Variants in DPM1 observed in about 807,000 individuals in gnomAD.
DPM1 encodes dolichol-phosphate mannosyltransferase subunit 1.
A neutral mutation model predicts 39.0 loss-of-function variants in DPM1; 27 were observed. The observed-to-expected ratio is 0.69, with a 90% CI of 0.51 to 0.95. The LOEUF (loss-of-function observed/expected upper bound fraction) is 0.95, where lower values mean the gene tolerates loss of function less well. DPM1 is among the 40% of genes least tolerant of loss of function. The pLI is 0.00. For missense variants in DPM1, 307 were observed against 315.6 expected (o/e 0.97, Z 0.21); for synonymous variants, 124 against 109.0 (o/e 1.14, Z -0.86).
chr20:50,945,880 G>A lies in DPM1; in HGVS notation c.339C>T (p.Tyr113=), dbSNP rs749555898. ...IHGMKHATGN[Y]IIIMDADLSH... ...AGAGATCAGCATCCATAATAATGATGTAGTTTCCTGTGGCATGTTTCATTC... is the reference window on the plus strand; with the variant it reads ...AGAGATCAGCATCCATAATAATGATATAGTTTCCTGTGGCATGTTTCATTC... The change falls in exon 4 of 9, where the codon TAC becomes TAT. Residue 113 remains tyrosine, a synonymous_variant. Coordinates refer to ENST00000371588, the MANE Select transcript of DPM1 (RefSeq NM_003859.3). 1.9e-6 allele frequency: 3 copies of A among 1,613,596 alleles called. No individual in the cohort carries two copies. The highest frequency in any genetic ancestry group is 1.1e-5 in the South Asian group (1 of 91,076).
chr20:50,934,994 T>G lies in DPM1; in HGVS notation c.*138A>C. 1.7e-6 allele frequency: 1 copy of G among 595,588 alleles called. No individual in the cohort carries two copies. Among genetic ancestry groups the G allele is most frequent in the Non-Finnish European group, 3.0e-6 (1 of 331,604 alleles). The allele number at this position is 595,588 out of a possible 1,614,324, so 36.9% of individuals were successfully genotyped here. On this transcript the variant is annotated 3_prime_UTR_variant, in exon 9 of 9. Transcript: ENST00000371588. ...TATTTAATTTGAAATATAAAATAGG[T>G]GGTCTTCATAAAAAGATGCATGAAA...
At chr20:50,938,543 C>T (rs996252649) in intron 7 of DPM1, among the ~76,000 whole-genome samples, 4 of 151,408 alleles carry the variant, frequency 2.6e-5, no homozygotes, top group Admixed American at 6.6e-5. Context: ...CCACCACGCC[C>T]GGCTAATTTT....
At chr20:50,938,795 C>T (rs1254344467) in intron 7 of DPM1, among the ~76,000 whole-genome samples, 1 of 151,194 alleles carries the variant, frequency 6.6e-6, no homozygotes. Context: ...GCCTGACCAA[C>T]GTGGAGAAAC....
chr20:50,951,422 A>G (rs1413811988), intron 2 of DPM1, among the ~76,000 whole-genome samples: 1 of 152,224 alleles, frequency 6.6e-6, no homozygotes, highest in African/African-American at 2.4e-5. Context: ...ACATACACAC[A>G]TATATGCACA....
intron 1 of DPM1, among the ~76,000 whole-genome samples, 176 bp downstream of exon 1, chr20:50,958,187 A>G (rs1193318358): frequency 1.3e-5 from 2 of 152,238 alleles, no homozygotes; most frequent in Admixed American, 6.5e-5. Context: ...CCAGGACACG[A>G]AGAAAACCCA....
chr20:50,938,601 C>T (rs1255836638), intron 7 of DPM1, among the ~76,000 whole-genome samples: 4 of 151,070 alleles, frequency 2.6e-5, no homozygotes, highest in Non-Finnish European at 5.9e-5. Context: ...AGGATGGTCT[C>T]GATCTCCTGA....
At chr20:50,941,282 T>A (rs1985756668) in intron 6 of DPM1, 1 of 151,072 alleles carries the variant, frequency 6.6e-6, no homozygotes. Flanking sequence ...TACATTCATA[T>A]AATATATATA....
intron 6 of DPM1, chr20:50,941,263 T>TATATATATATAA (rs1491148504): frequency 6.4e-6 from 1 of 156,022 alleles, no homozygotes; most frequent in Non-Finnish European, 1.2e-5. Flanking sequence ...TATATATATA[T>TATATATATATAA]AAATAAAATA....
intron 8 of DPM1, 119 bp from the exon 9 acceptor site, chr20:50,935,355 T>TA (rs1456024880): frequency 1.4e-6 from 1 of 698,894 alleles, no homozygotes; most frequent in Non-Finnish European, 2.6e-6. Context: ...GTCCTTAAAG[T>TA]AAGTATAAAA....
At chr20:50,941,222 A>C (rs1985707960) in intron 6 of DPM1, 1 of 198,462 alleles carries the variant, frequency 5.0e-6, no homozygotes, top group Non-Finnish European at 8.7e-6. Flanking sequence ...ACAAAAAAAA[A>C]AGTGAATATA....
chr20:50,941,293 C>T (rs1985759571), intron 6 of DPM1: 1 of 140,384 alleles, frequency 7.1e-6, no homozygotes, highest in Admixed American at 7.8e-5. Flanking sequence ...AATATATATA[C>T]ACATTCATAT....
chr20:50,943,472 G>A (rs1480411720), intron 5 of DPM1, among the ~76,000 whole-genome samples: 1 of 150,636 alleles, frequency 6.6e-6, no homozygotes, highest in Admixed American at 6.6e-5. Context: ...TGATTCTCCT[G>A]CCTCAGCCTC....
At chr20:50,950,094 T>A (rs1184418264) in intron 2 of DPM1, among the ~76,000 whole-genome samples, 2 of 152,226 alleles carry the variant, frequency 1.3e-5, no homozygotes, top group African/African-American at 4.8e-5. Context: ...ATGCTTTGAT[T>A]CCTTACTTTT....
intron 1 of DPM1, among the ~76,000 whole-genome samples, 193 bp from the exon 2 acceptor site, chr20:50,955,478 A>G (rs1336516611): frequency 6.6e-6 from 1 of 152,248 alleles, no homozygotes; most frequent in Admixed American, 6.5e-5. Flanking sequence ...TATGTTGCTG[A>G]AACATGCTAA....
intron 3 of DPM1, among the ~76,000 whole-genome samples, chr20:50,946,180 G>C (rs749459123): frequency 1.3e-5 from 2 of 152,168 alleles, no homozygotes; most frequent in Non-Finnish European, 2.9e-5. Context: ...GTATAGCAAA[G>C]AAATAGTTTA....
At position 50,936,247 on chromosome 20, in the gene DPM1, T is replaced by A; in HGVS notation, c.579A>T (p.Glu193Asp). ...LTGSFRLYRKEVLEKLIEKCV... is the reference protein window; with the variant it reads ...LTGSFRLYRKDVLEKLIEKCV... The stretch of plus-strand genomic sequence containing the variant: ...ATTTTTCTATTAATTTCTCTAGAAC[T>A]TCTTTTCGGTATAATCTGTAAGAAA... Residue 193 changes from glutamate (E) to aspartate (D), a missense_variant, in exon 8 of 9, where the codon GAA becomes GAT. Physicochemically the swap from Glu to Asp is conservative, Grantham distance 45 (BLOSUM62 2). Coordinates refer to ENST00000371588, the MANE Select transcript of DPM1 (RefSeq NM_003859.3). 6.2e-7 allele frequency: 1 copy of A among 1,601,956 alleles called. No homozygotes were observed. Among genetic ancestry groups the A allele is most frequent in the Non-Finnish European group, 8.6e-7 (1 of 1,169,526 alleles).
chr20:50,944,067 A>G (rs540298022), intron 5 of DPM1, among the ~76,000 whole-genome samples: 10 of 152,284 alleles, frequency 6.6e-5, no homozygotes, highest in African/African-American at 2.2e-4. Flanking sequence ...ATTCTAACAC[A>G]TATTTTCCCA....
At chr20:50,945,285 TGTGTGTG>T (rs1986201914) in intron 5 of DPM1, among the ~76,000 whole-genome samples, 1 of 730 alleles carries the variant, frequency 1.4e-3, no homozygotes, top group Non-Finnish European at 3.9e-3. Flanking sequence ...AAATGTGTGT[TGTGTGTG>T]TGTGTGTGTG....
In DPM1 at chr20:50,935,209, A is replaced by G. The variant is rs775589720; in HGVS notation, c.706T>C (p.Tyr236His). 5.6e-6 allele frequency: 9 copies of G among 1,610,702 alleles called. No homozygotes were observed. The highest frequency in any genetic ancestry group is 6.8e-6 in the Non-Finnish European group (8 of 1,177,642). Residue 236 changes from tyrosine to histidine, a missense_variant, in exon 9 of 9, where the codon TAT becomes CAT. Coordinates refer to ENST00000371588, the MANE Select transcript of DPM1 (RefSeq NM_003859.3). ...TTTCCTCCCAACTTGGATTCACCAT[A>G]AACACGATCCACAAATGATATTGGA... The part of the protein sequence containing the change: ...EVPISFVDRV[Y>H]GESKLGGNEI...
Sources: allele counts gnomAD v4.1 joint callset (sites outside exome capture counted in the v4.1 genomes callset), GRCh38; gene constraint gnomAD v4.1.1; transcripts MANE v1.5; gene names NCBI Gene and HGNC (gene_info 2026-07-23, HGNC 2026-07-21).